The following PIGZ variants were observed in gnomAD, a reference collection of about 807,000 sequenced individuals.
PIGZ encodes the protein phosphatidylinositol glycan anchor biosynthesis class Z (Gwada blood group).
In PIGZ, 16 loss-of-function variants were observed where a neutral mutation model predicts 16.4. That is an observed-to-expected ratio of 0.97 (90% CI 0.66 to 1.48). The LOEUF (loss-of-function observed/expected upper bound fraction) is 1.48. Among genes scored for constraint, PIGZ ranks in the 40% most tolerant of loss-of-function variants. PIGZ has a pLI of 0.00. For synonymous variants in PIGZ, 409 were observed against 338.4 expected (o/e 1.21, Z -2.29); for missense variants, 770 against 739.2 (o/e 1.04, Z -0.48).
chr3:196,960,737 G>GAGAATGAAAGAAAGAAAGAA (rs1717684925), intron 1 of PIGZ, among the ~76,000 whole-genome samples: 1 of 140,394 alleles, frequency 7.1e-6, no homozygotes, highest in East Asian at 2.1e-4. Flanking sequence ...AAGAAAGAAA[G>GAGAATGAAAGAAAGAAAGAA]AGAAAGAAAG....
intron 1 of PIGZ, among the ~76,000 whole-genome samples, chr3:196,954,761 T>C (rs910517934): frequency 1.3e-5 from 2 of 152,252 alleles, no homozygotes; most frequent in African/African-American, 4.8e-5. Context: ...CTAATTGCCA[T>C]TGTAATTTCT....
At chr3:196,968,526 C>A (rs1718030460) in intron 1 of PIGZ, among the ~76,000 whole-genome samples, 161 bp downstream of exon 1, 1 of 152,204 alleles carries the variant, frequency 6.6e-6, no homozygotes, top group Non-Finnish European at 1.5e-5. Flanking sequence ...CAGGTGCCTG[C>A]GAGAATGCGG....
intron 1 of PIGZ, among the ~76,000 whole-genome samples, chr3:196,962,293 G>A (rs549293579): frequency 2.0e-5 from 3 of 152,214 alleles, no homozygotes; most frequent in Non-Finnish European, 2.9e-5. Flanking sequence ...AAAGGTCATC[G>A]CCATTCTCCA....
At chr3:196,955,170 C>T (rs532084620) in intron 1 of PIGZ, among the ~76,000 whole-genome samples, 111 of 152,334 alleles carry the variant, frequency 7.3e-4, no homozygotes, top group African/African-American at 2.6e-3. Flanking sequence ...AAGCAATCCT[C>T]CCACCTTGGC....
At chr3:196,949,044 T>TTCCCTTCCCCTCCCC (rs2108900425) in intron 2 of PIGZ, among the ~76,000 whole-genome samples, 2 of 43,140 alleles carry the variant, frequency 4.6e-5, no homozygotes, top group East Asian at 4.1e-3. Flanking sequence ...CCTTCCTTCC[T>TTCCCTTCCCCTCCCC]TCCCTTCCCT....
In PIGZ at chr3:196,947,505, G is replaced by A; in HGVS notation, c.1392C>T (p.His464=). ...TPTHYTLLFT[H]TYMPPRHLLH... ...GGAGGTGCCGGGGGGGCATGTAGGT[G>A]TGAGTGAAGAGGAGTGTGTAGTGGG... The change falls in exon 3 of 3, where the codon CAC becomes CAT. Residue 464 remains histidine, a synonymous_variant. Coordinates refer to ENST00000412723, the MANE Select transcript of PIGZ (RefSeq NM_025163.4). The A allele has an allele frequency of 6.2e-7, 1 of 1,613,716 alleles. No homozygotes were observed. Among genetic ancestry groups the A allele is most frequent in the Non-Finnish European group, 8.5e-7 (1 of 1,180,004 alleles).
intron 2 of PIGZ, 169 bp downstream of exon 2, chr3:196,951,652 A>G (rs1457591896): frequency 3.1e-6 from 2 of 651,230 alleles, no homozygotes; most frequent in Non-Finnish European, 5.4e-6. Flanking sequence ...GGAAGGAGAT[A>G]TGAAGTCCCC....
At chr3:196,958,984 A>G (rs940522239) in intron 1 of PIGZ, among the ~76,000 whole-genome samples, 4 of 152,208 alleles carry the variant, frequency 2.6e-5, no homozygotes, top group African/African-American at 9.6e-5. Flanking sequence ...TATCTCCACA[A>G]CTGCTGAAGG....
At chr3:196,963,963 C>T (rs1717818056) in intron 1 of PIGZ, among the ~76,000 whole-genome samples, 1 of 152,090 alleles carries the variant, frequency 6.6e-6, no homozygotes, top group African/African-American at 2.4e-5. Context: ...TTCTGAGCTT[C>T]GGATTTACTG....
At position 196,948,998 on chromosome 3, in the gene PIGZ, TTACTTCTCTTTCCCTCCCCTCCCTTC is replaced by T. The variant is rs1717133366; in HGVS notation, c.212-339_212-314del. Among the ~76,000 whole-genome samples the T allele has an allele frequency of 7.9e-5, 3 of 37,928 alleles. No individual in the cohort carries two copies. The African/African-American group carries it at 8.1e-4, about 10-fold the overall frequency. 24.9% of individuals were successfully genotyped at this position (37,928 alleles called of 152,430 possible). A position where few individuals can be genotyped will look rare whatever the true frequency, so the allele number is the denominator to read the frequency against. ...CTCCCCTCCCTTCCCTTCCTTCCCTTTACTTCTCTTTCCCTCCCCTCCCTTCCCTTCCTTCCCTTCCTTCCTTCCCT... is the reference window on the plus strand; with the variant it reads ...CTCCCCTCCCTTCCCTTCCTTCCCTTCCTTCCTTCCCTTCCTTCCTTCCCT... On this transcript the variant is annotated intron_variant, in intron 2 of 2. Transcript: ENST00000412723.
In PIGZ at chr3:196,947,996, G is replaced by C. The variant is rs1245409333; in HGVS notation, c.901C>G (p.Leu301Val). 6.2e-7 allele frequency: 1 copy of C among 1,603,336 alleles called. No individual in the cohort carries two copies. The highest frequency in any genetic ancestry group is 1.7e-5 in the Admixed American group (1 of 59,284). Residue 301 changes from leucine to valine, a missense_variant, in exon 3 of 3, where the codon CTG (leucine) becomes GTG (valine). Coordinates refer to ENST00000412723, the MANE Select transcript of PIGZ (RefSeq NM_025163.4). ...TGTCTCGCCAGGTTTTGGGGATTCA[G>C]GTTGTAGTGCAAGAAGTTGACAGGT... ...LTPVNFLHYN[L>V]NPQNLARHGT... is the part of the protein sequence containing the mutation.
chr3:196,961,113 C>A (rs1288581542), intron 1 of PIGZ, among the ~76,000 whole-genome samples: 1 of 152,166 alleles, frequency 6.6e-6, no homozygotes, highest in African/African-American at 2.4e-5. Flanking sequence ...CATGCTCATT[C>A]ACCGGCTTCG....
chr3:196,960,557 A>G (rs1260950825), intron 1 of PIGZ, among the ~76,000 whole-genome samples: 1 of 152,036 alleles, frequency 6.6e-6, no homozygotes, highest in Admixed American at 6.6e-5. Flanking sequence ...CTGTAATCCC[A>G]GCTACTCAGG....
chr3:196,956,194 T>A (rs1056615440), intron 1 of PIGZ, among the ~76,000 whole-genome samples: 3 of 152,142 alleles, frequency 2.0e-5, no homozygotes, highest in African/African-American at 7.2e-5. Context: ...CCTTTGTCAT[T>A]TATAGAAAGT....
In PIGZ at chr3:196,947,794, G is replaced by A; in HGVS notation, c.1103C>T (p.Ser368Phe). Residue 368 changes from serine to phenylalanine, a missense_variant, in exon 3 of 3, where the codon TCC (serine) becomes TTC (phenylalanine). By Grantham distance (155) the Ser-to-Phe change is radical. Coordinates refer to ENST00000412723, the MANE Select transcript of PIGZ (RefSeq NM_025163.4). ...GARSLLSSPR[S>F]YLLLLYFMPL... ...CATGAAGTAGAGGAGAAGGAGATAG[G>A]ACCTGGGGCTGGACAGCAGGCTCCG... The A allele has an allele frequency of 1.9e-6, 3 of 1,608,190 alleles. No individual in the cohort carries two copies. The highest frequency in any genetic ancestry group is 1.3e-5 in the African/African-American group (1 of 74,816).
intron 1 of PIGZ, among the ~76,000 whole-genome samples, chr3:196,959,835 A>G (rs912426044): frequency 6.6e-6 from 1 of 152,164 alleles, no homozygotes; most frequent in Non-Finnish European, 1.5e-5. Flanking sequence ...AGCTCCTTCT[A>G]GGGTGTCTTA....
rs568828516 is a variant in PIGZ at position 196,952,010 on chromosome 3, C to T, written c.22G>A (p.Val8Ile). The T allele has an allele frequency of 1.4e-4, 231 of 1,613,912 alleles. No individual in the cohort carries two copies. The highest frequency in any genetic ancestry group is 1.7e-4 in the Non-Finnish European group (205 of 1,179,974). ...GATGTCCCAGCTGCTACAGATGCTA[C>T]GCTGGATCCACAGATCTGCATCTGT... MQICGSS[V>I]ASVAAGTSFQ... Residue 8 changes from valine (V) to isoleucine (I), a missense_variant, in exon 2 of 3, where the codon GTA becomes ATA. Transcript: ENST00000412723.
At chr3:196,956,558 C>G (rs7614289) in intron 1 of PIGZ, among the ~76,000 whole-genome samples, 13,904 of 152,252 alleles carry the variant, frequency 0.091, 984 homozygotes, top group African/African-American at 0.2. Context: ...AGCTATAATT[C>G]AAGATGAGAT....
Position 196,948,679 on chromosome 3 carries a change from A to G in PIGZ, c.218T>C (p.Ile73Thr). Reference sequence around the variant, plus strand: ...GGGCCGCGCGGCCTGAACGCCCAGGATGTCCTCTGCAGAGAGAGGCAGAGG... The same window carrying G: ...GGGCCGCGCGGCCTGAACGCCCAGGGTGTCCTCTGCAGAGAGAGGCAGAGG... ...FQSPEVMAED[I>T]LGVQAARPWE... Residue 73 changes from isoleucine (I) to threonine (T), a missense_variant, in exon 3 of 3, where the codon ATC becomes ACC. Ile to Thr is a moderately conservative substitution (Grantham distance 89, BLOSUM62 -1). Transcript: ENST00000412723. 1 of 1,452,700 alleles carries G rather than the reference A, an allele frequency of 6.9e-7. No individual in the cohort carries two copies. Among genetic ancestry groups the G allele is most frequent in the South Asian group, 1.5e-5 (1 of 68,418 alleles). 90.0% of individuals were successfully genotyped at this position (1,452,700 alleles called of 1,614,324 possible). A position where few individuals can be genotyped will look rare whatever the true frequency, so the allele number is the denominator to read the frequency against.
Sources: allele counts gnomAD v4.1 joint callset (sites outside exome capture counted in the v4.1 genomes callset), GRCh38; gene constraint gnomAD v4.1.1; transcripts MANE v1.5; gene names NCBI Gene and HGNC (gene_info 2026-07-23, HGNC 2026-07-21).